The following FBXL18 variants were observed in gnomAD, a reference collection of about 807,000 sequenced individuals.
FBXL18 encodes the protein F-box/LRR-repeat protein 18.
A neutral mutation model predicts 46.0 loss-of-function variants in FBXL18; 36 were observed. That is an observed-to-expected ratio of 0.78 (90% CI 0.60 to 1.03). The LOEUF is 1.03. FBXL18 is among the 50% of genes least tolerant of loss of function. The pLI is 0.00. For synonymous variants in FBXL18, 557 were observed against 465.3 expected (o/e 1.20, Z -2.54); for missense variants, 977 against 1,004.1 (o/e 0.97, Z 0.36).
At chr7:5,461,198 G>A (rs1783238981) in intron 4 of FBXL18, among the ~76,000 whole-genome samples, 1 of 152,182 alleles carries the variant, frequency 6.6e-6, no homozygotes, top group African/African-American at 2.4e-5. Context: ...GGAATAACAA[G>A]GGCAGGAGTT....
chr7:5,483,598 G>C (rs921135985), intron 4 of FBXL18, among the ~76,000 whole-genome samples: 3 of 151,878 alleles, frequency 2.0e-5, no homozygotes, highest in Non-Finnish European at 2.9e-5. Flanking sequence ...TACAAAATTA[G>C]CCGGGCATGG....
In FBXL18 at chr7:5,500,899, T is replaced by G. The variant is rs1351054074; in HGVS notation, c.1370A>C (p.Gln457Pro). The change falls in exon 3 of 5, where the codon CAG becomes CCG. Residue 457 changes from glutamine (Q) to proline (P), a missense_variant. Physicochemically the swap from Gln to Pro is moderately conservative, Grantham distance 76. Transcript: ENST00000382368. ...GFGKKVRVGV[Q>P]SCPSPFSGQA... Reference sequence around the variant, plus strand: ...GCCCGAGAAGGGGCTGGGACAGGACTGCACGCCCACACGCACTTTCTTGCC... The same window carrying G: ...GCCCGAGAAGGGGCTGGGACAGGACGGCACGCCCACACGCACTTTCTTGCC... 6.3e-7 allele frequency: 1 copy of G among 1,582,042 alleles called. No homozygotes were observed. The highest frequency in any genetic ancestry group is 1.8e-5 in the Admixed American group (1 of 55,392).
At chr7:5,495,069 C>G (rs905155300) in intron 3 of FBXL18, among the ~76,000 whole-genome samples, 1 of 152,190 alleles carries the variant, frequency 6.6e-6, no homozygotes, top group Non-Finnish European at 1.5e-5. Flanking sequence ...GCAGAGCTGA[C>G]CTGACTCGAG....
At chr7:5,510,159 G>A (rs1342515736) in intron 1 of FBXL18, among the ~76,000 whole-genome samples, 1 of 151,240 alleles carries the variant, frequency 6.6e-6, no homozygotes, top group Non-Finnish European at 1.5e-5. Context: ...AAAATTAGCT[G>A]GGCGTGGTGG....
At chr7:5,492,864 G>A (rs1783966687) in intron 3 of FBXL18, among the ~76,000 whole-genome samples, 1 of 152,130 alleles carries the variant, frequency 6.6e-6, no homozygotes, top group South Asian at 2.1e-4. Flanking sequence ...CCTGCCCATA[G>A]CCTGATTTGG....
chr7:5,502,500 A>C (rs1040958192), intron 2 of FBXL18, among the ~76,000 whole-genome samples: 2 of 149,428 alleles, frequency 1.3e-5, no homozygotes, highest in African/African-American at 5.0e-5. Flanking sequence ...TTGCCACTAC[A>C]CTCCAGCCTG....
At chr7:5,506,704 G>T (rs1230050942) in intron 1 of FBXL18, among the ~76,000 whole-genome samples, 1 of 152,088 alleles carries the variant, frequency 6.6e-6, no homozygotes, top group Non-Finnish European at 1.5e-5. Flanking sequence ...TTAAAGGCAT[G>T]TGCCACCGTG....
At chr7:5,510,302 CAA>C (rs757878539) in intron 1 of FBXL18, among the ~76,000 whole-genome samples, 1,947 of 77,524 alleles carry the variant, frequency 0.025, 13 homozygotes, top group Non-Finnish European at 0.034. Flanking sequence ...GACTCTGTCT[CAA>C]AAAAAAAAAA....
At chr7:5,489,041 C>T (rs1366141919) in intron 4 of FBXL18, 1 of 302,122 alleles carries the variant, frequency 3.3e-6, no homozygotes, top group East Asian at 1.0e-4. Flanking sequence ...CAGCTGCCAC[C>T]CAGGCTGCCC....
rs567531674 is a variant in FBXL18, at chr7:5,457,396, G to A, written c.2001-9553C>T. 8.5e-5 allele frequency among the ~76,000 whole-genome samples: 13 copies of A among 152,260 alleles called. No homozygotes were observed. In the South Asian group the frequency reaches 2.7e-3, roughly 32 times the overall value. On this transcript the variant is annotated intron_variant and NMD_transcript_variant, in intron 4 of 6. Coordinates refer to the FBXL18 transcript ENST00000415009. The stretch of plus-strand genomic sequence containing the variant: ...AACTGAGTCCTTAGAGATGTAAGCT[G>A]CTGGATCAAGCTCGACCTGAAGCCT...
chr7:5,458,422 G>A (rs973647142), intron 4 of FBXL18, among the ~76,000 whole-genome samples: 44 of 152,060 alleles, frequency 2.9e-4, no homozygotes, highest in Admixed American at 7.9e-4. Flanking sequence ...AAAATTGGCC[G>A]GGCGTGGTGG....
chr7:5,502,303 G>A (rs904188907), intron 2 of FBXL18, among the ~76,000 whole-genome samples: 3 of 152,134 alleles, frequency 2.0e-5, no homozygotes, highest in African/African-American at 7.2e-5. Flanking sequence ...GGGAAGCCAA[G>A]GCAGATGGAT....
Position 5,499,410 on chromosome 7 carries a change from T to C in FBXL18, c.1781+1078A>G, listed in dbSNP as rs140851462. On this transcript the variant is annotated intron_variant, in intron 3 of 4. Transcript: ENST00000382368. ...ATACTTCCAAGTCTCTGGGGTTTCT[T>C]CACATGGTACTTACTGACCCAGAAA... Among the ~76,000 whole-genome samples, 671 of 152,048 alleles carry C rather than the reference T, an allele frequency of 4.4e-3. 7 individuals carry two copies. Among genetic ancestry groups the C allele is most frequent in the African/African-American group, 0.015 (622 of 41,484 alleles).
chr7:5,472,726 G>A (rs571079388), downstream of FBXL18, among the ~76,000 whole-genome samples: 23 of 152,258 alleles, frequency 1.5e-4, no homozygotes, highest in African/African-American at 5.3e-4. Flanking sequence ...GTCCCCAACT[G>A]CTGAGTCACT....
chr7:5,487,698 G>A (rs970084401), intron 4 of FBXL18, among the ~76,000 whole-genome samples: 1 of 152,286 alleles, frequency 6.6e-6, no homozygotes, highest in African/African-American at 2.4e-5. Flanking sequence ...GCCTGGAGCA[G>A]AGAGAGGCAC....
intron 4 of FBXL18, among the ~76,000 whole-genome samples, chr7:5,490,999 TG>T (rs1783907411): frequency 6.6e-6 from 1 of 152,160 alleles, no homozygotes; most frequent in African/African-American, 2.4e-5. Flanking sequence ...TTTGTACTTG[TG>T]GGAGAGGAGA....
chr7:5,460,094 T>A (rs1783222884), intron 4 of FBXL18, among the ~76,000 whole-genome samples: 1 of 151,408 alleles, frequency 6.6e-6, no homozygotes, highest in South Asian at 2.1e-4. Context: ...ACCCCATCTC[T>A]ACAAAAAAAA....
chr7:5,486,677 G>A (rs1212049545), intron 4 of FBXL18, among the ~76,000 whole-genome samples: 8 of 152,142 alleles, frequency 5.3e-5, no homozygotes, highest in African/African-American at 1.7e-4. Context: ...GAAAGAAAAA[G>A]AAGAGACGGC....
intron 4 of FBXL18, among the ~76,000 whole-genome samples, chr7:5,487,231 C>T (rs1324427576): frequency 6.6e-6 from 1 of 152,268 alleles, no homozygotes; most frequent in Non-Finnish European, 1.5e-5. Flanking sequence ...GTGACCGGGG[C>T]CGGCGTGGAG....
Sources: allele counts gnomAD v4.1 joint callset (sites outside exome capture counted in the v4.1 genomes callset), GRCh38; gene constraint gnomAD v4.1.1; transcripts MANE v1.5; gene names NCBI Gene and HGNC (gene_info 2026-07-23, HGNC 2026-07-21).